Variants in PIBF1 observed in about 807,000 individuals in gnomAD.
The protein encoded by PIBF1 is progesterone-induced-blocking factor 1.
In PIBF1, 90 loss-of-function variants were observed where a neutral mutation model predicts 112.5. The ratio of observed to expected loss-of-function variants is 0.80; its 90% CI spans 0.67 to 0.95. PIBF1 has a LOEUF of 0.95. Among genes scored for constraint, PIBF1 ranks in the 40% least tolerant of loss-of-function variants. The pLI, the probability that PIBF1 is intolerant of heterozygous loss-of-function variation, is 0.00. For synonymous variants in PIBF1, 301 were observed against 288.6 expected, an observed-to-expected ratio of 1.04 and a Z score of -0.44; for missense variants, 915 against 852.3, an observed-to-expected ratio of 1.07 and a Z score of -0.92.
chr13:72,783,495 CAAA>C lies in PIBF1; in HGVS notation c.31_33del (p.Lys11del), dbSNP rs925772654. 2 of 1,603,004 alleles carry C rather than the reference CAAA, an allele frequency of 1.2e-6. No individual in the cohort carries two copies. Among genetic ancestry groups the C allele is most frequent in the Non-Finnish European group, 8.5e-7 (1 of 1,174,118 alleles). On this transcript the variant is annotated inframe_deletion, in exon 2 of 18. Coordinates refer to ENST00000326291, the MANE Select transcript of PIBF1 (RefSeq NM_006346.4). ...ATGTCTCGAAAAATTTCAAAGGAGTCAAAAAAAGTGAACATCTCTAGTTCTCTG... is the reference window on the plus strand; with the variant it reads ...ATGTCTCGAAAAATTTCAAAGGAGTCAAAAGTGAACATCTCTAGTTCTCTG...
chr13:72,890,581 T>G (rs937405826), intron 10 of PIBF1, among the ~76,000 whole-genome samples: 2 of 152,178 alleles, frequency 1.3e-5, no homozygotes, highest in African/African-American at 4.8e-5. Context: ...GTTGTGAGAA[T>G]AGGTGGAGAT....
intron 17 of PIBF1, among the ~76,000 whole-genome samples, chr13:73,007,846 A>T (rs1456622941): frequency 1.3e-5 from 2 of 151,812 alleles, no homozygotes; most frequent in Admixed American, 1.3e-4. Context: ...CATTCTTAGC[A>T]TGCACCCCAT....
intron 9 of PIBF1, among the ~76,000 whole-genome samples, chr13:72,851,237 T>G (rs2038137048): frequency 6.6e-6 from 1 of 152,300 alleles, no homozygotes; most frequent in South Asian, 2.1e-4. Flanking sequence ...AGTGGCCCAG[T>G]CGCAGCTGCG....
At chr13:72,923,455 A>C (rs964724665) in intron 13 of PIBF1, among the ~76,000 whole-genome samples, 2 of 152,226 alleles carry the variant, frequency 1.3e-5, no homozygotes, top group Non-Finnish European at 2.9e-5. Flanking sequence ...TGGTGGTGGT[A>C]GTTTCTAGCT....
chr13:72,818,441 TTTAACACTCAGTC>T (rs1339142325), intron 5 of PIBF1, among the ~76,000 whole-genome samples: 1 of 152,180 alleles, frequency 6.6e-6, no homozygotes, highest in Non-Finnish European at 1.5e-5. Context: ...TTTTCTCCAT[TTTAACACTCAGTC>T]TTATAGCCCA....
At chr13:72,826,040 TAA>T (rs1384044847) in intron 6 of PIBF1, among the ~76,000 whole-genome samples, 2 of 121,248 alleles carry the variant, frequency 1.6e-5, no homozygotes, top group Non-Finnish European at 1.8e-5. Flanking sequence ...CCCCATCTCA[TAA>T]AAAAAAAAAA....
intron 9 of PIBF1, among the ~76,000 whole-genome samples, chr13:72,843,341 T>C (rs1000717726): frequency 2.6e-4 from 40 of 152,176 alleles, no homozygotes; most frequent in African/African-American, 9.2e-4. Context: ...GAAGTGAACC[T>C]CAGGAACGAC....
At chr13:72,968,535 A>G (rs1477582061) in intron 15 of PIBF1, among the ~76,000 whole-genome samples, 3 of 151,974 alleles carry the variant, frequency 2.0e-5, no homozygotes, top group Non-Finnish European at 4.4e-5. Context: ...TCCTGACCTC[A>G]AATGATCCGC....
intron 4 of PIBF1, among the ~76,000 whole-genome samples, chr13:72,796,687 T>C (rs1198511349): frequency 6.6e-6 from 1 of 151,916 alleles, no homozygotes; most frequent in Non-Finnish European, 1.5e-5. Context: ...ATACAGCTTT[T>C]CTGTCCAAAG....
Position 72,917,173 on chromosome 13 carries a change from T to G in PIBF1, c.1730+7T>G. The G allele has an allele frequency of 6.6e-7, 1 of 1,509,346 alleles. No individual in the cohort carries two copies. The highest frequency in any genetic ancestry group is 9.0e-7 in the Non-Finnish European group (1 of 1,109,008). The allele number at this position is 1,509,346 out of a possible 1,614,324, so 93.5% of individuals were successfully genotyped here. A position where few individuals can be genotyped will look rare whatever the true frequency, so the allele number is the denominator to read the frequency against. On this transcript the variant is annotated splice_region_variant and intron_variant, in intron 13 of 17. Transcript: ENST00000326291. ...AAAGACGACTAAAGCAAAGGTAAAA[T>G]CAATATATATTTATTTTATTTATCT...
At chr13:72,918,468 A>G (rs1159816377) in intron 13 of PIBF1, among the ~76,000 whole-genome samples, 1 of 147,674 alleles carries the variant, frequency 6.8e-6, no homozygotes, top group East Asian at 2.0e-4. Context: ...GCTCACTGCA[A>G]CCTCCACCTT....
In PIBF1 at chr13:72,854,079, A is replaced by G. The variant is rs769501491; in HGVS notation, c.1246A>G (p.Asn416Asp). 6.8e-6 allele frequency: 11 copies of G among 1,612,548 alleles called. No homozygotes were observed. Among genetic ancestry groups the G allele is most frequent in the African/African-American group, 2.7e-5 (2 of 75,028 alleles). Residue 416 changes from asparagine (N) to aspartate (D), a missense_variant, in exon 10 of 18, where the codon AAT becomes GAT. Physicochemically the swap from Asn to Asp is conservative, Grantham distance 23. Coordinates refer to ENST00000326291, the MANE Select transcript of PIBF1 (RefSeq NM_006346.4). Reference sequence around the variant, plus strand: ...TAGAAATCTCCGAGAAGCAAGGGATAATGCTGTGGCTGAAAAGGAACGAGC... The same window carrying G: ...TAGAAATCTCCGAGAAGCAAGGGATGATGCTGTGGCTGAAAAGGAACGAGC... ...ENRNLREARD[N>D]AVAEKERAVM...
intron 5 of PIBF1, among the ~76,000 whole-genome samples, chr13:72,819,524 C>T (rs1450118065): frequency 6.6e-6 from 1 of 152,054 alleles, no homozygotes; most frequent in East Asian, 1.9e-4. Context: ...TACTATTAAA[C>T]TGTAGAAAGA....
At chr13:73,004,501 A>G (rs1288718523) in intron 17 of PIBF1, among the ~76,000 whole-genome samples, 47 of 138,912 alleles carry the variant, frequency 3.4e-4, no homozygotes, top group Non-Finnish European at 5.3e-4. Flanking sequence ...AAAAAAAAAA[A>G]AAAGAAAGAA....
chr13:72,963,979 T>C (rs754121394), intron 14 of PIBF1, among the ~76,000 whole-genome samples: 1 of 152,230 alleles, frequency 6.6e-6, no homozygotes. Flanking sequence ...ACTCCACTTC[T>C]AGGTAGCTAC....
At position 72,908,512 on chromosome 13, in the gene PIBF1, T is replaced by G. The variant is rs1365889182; in HGVS notation, c.1489-19T>G. ...ACCTGTTTAATTCTGCCTTTGTAATTCTTCTCTTTCACTATTAGGTTTTAA... is the reference window on the plus strand; with the variant it reads ...ACCTGTTTAATTCTGCCTTTGTAATGCTTCTCTTTCACTATTAGGTTTTAA... On this transcript the variant is annotated intron_variant, in intron 11 of 17. Coordinates refer to ENST00000326291, the MANE Select transcript of PIBF1 (RefSeq NM_006346.4). 1 of 1,562,034 alleles carries G rather than the reference T, an allele frequency of 6.4e-7. No individual in the cohort carries two copies.
chr13:72,905,260 G>T (rs1444779255), intron 11 of PIBF1, among the ~76,000 whole-genome samples: 1 of 151,890 alleles, frequency 6.6e-6, no homozygotes, highest in Non-Finnish European at 1.5e-5. Flanking sequence ...TGGAGACAGG[G>T]TTTCACCACG....
chr13:72,912,030 AAAGG>A lies in PIBF1; in HGVS notation c.1639+3360_1639+3363del, dbSNP rs144964133. Among the ~76,000 whole-genome samples, 1,055 of 152,008 alleles carry A rather than the reference AAAGG, an allele frequency of 6.9e-3. 15 individuals are homozygous for A. The highest frequency in any genetic ancestry group is 0.025 in the African/African-American group (1,017 of 41,448). On this transcript the variant is annotated intron_variant, in intron 12 of 17. Transcript: ENST00000326291. Reference sequence around the variant, plus strand: ...GAAGGAAGGAAGGAAAGAGAAAGGAAAAGGAAGGAAGGAAAGAAAAGAGAAAAGA... The same window carrying A: ...GAAGGAAGGAAGGAAAGAGAAAGGAAAAGGAAGGAAAGAAAAGAGAAAAGA...
At chr13:72,847,857 A>G (rs1195517802) in intron 9 of PIBF1, among the ~76,000 whole-genome samples, 1 of 152,270 alleles carries the variant, frequency 6.6e-6, no homozygotes, top group African/African-American at 2.4e-5. Context: ...CATCTTAAAA[A>G]CAAAGGCATC....
Sources: gnomAD v4.1 joint callset for allele counts (sites outside exome capture counted in the v4.1 genomes callset) on GRCh38, gnomAD v4.1.1 for gene constraint, MANE v1.5 for transcripts, NCBI Gene and HGNC (gene_info 2026-07-23, HGNC 2026-07-21) for gene names.